Variants in CLN3 observed in about 807,000 individuals in gnomAD.
The protein encoded by CLN3 is CLN3 lysosomal/endosomal transmembrane protein, battenin.
CLN3 carries 49 observed loss-of-function variants against 60.7 expected under a neutral mutation model. That is an observed-to-expected ratio of 0.81 (90% CI 0.64 to 1.02). The LOEUF (loss-of-function observed/expected upper bound fraction) is 1.02, where lower values mean the gene tolerates loss of function less well. Ranked by LOEUF, CLN3 falls within the 50% of genes least tolerant of loss-of-function variation. The pLI is 0.00. For missense variants in CLN3, 516 were observed against 557.4 expected, an observed-to-expected ratio of 0.93 and a Z score of 0.75; for synonymous variants, 256 against 245.8, an observed-to-expected ratio of 1.04 and a Z score of -0.39.
At chr16:28,479,495 A>G in intron 14 of CLN3, 1 of 152,760 alleles carries the variant, frequency 6.5e-6, no homozygotes, top group Non-Finnish European at 1.5e-5. Flanking sequence ...GCTGAGGCAG[A>G]AGAATCGCCT....
chr16:28,485,650 C>T (rs2857414), intron 9 of CLN3, among the ~76,000 whole-genome samples: 7 of 135,648 alleles, frequency 5.2e-5, no homozygotes, highest in African/African-American at 8.4e-5. Flanking sequence ...GCAGGCAAGG[C>T]TACACATTCG....
chr16:28,474,379 G>C (rs1271107707), downstream of CLN3: 1 of 152,268 alleles, frequency 6.6e-6, no homozygotes, highest in African/African-American at 2.4e-5. Context: ...AGAATCACTT[G>C]AACTCAGGAG....
At chr16:28,482,251 T>TC in intron 13 of CLN3, 53 bp from the exon 14 acceptor site, 2 of 1,600,712 alleles carry the variant, frequency 1.2e-6, no homozygotes, top group African/African-American at 1.3e-5. Flanking sequence ...ACCATCCCGC[T>TC]CCCCCCGGTG....
Position 28,484,106 on chromosome 16 carries a change from C to G in CLN3, c.690G>C (p.Leu230Phe), listed in dbSNP as rs1175349910. The change falls in exon 10 of 16, where the codon TTG (leucine) becomes TTC (phenylalanine). Residue 230 changes from leucine (L) to phenylalanine (F), a missense_variant. Transcript: ENST00000636147. The stretch of plus-strand genomic sequence containing the variant: ...GGTCCTGGGCCTCAGGAGATGTGAG[C>G]AACAAGAAATAGCTAGGAGTAGGAT... ...PALLLASYFL[L>F]LTSPEAQDPG... is the part of the protein sequence containing the mutation. 17 of 1,610,154 alleles carry G rather than the reference C, an allele frequency of 1.1e-5. No individual in the cohort carries two copies. The South Asian group carries it at 1.7e-4, about 16-fold the overall frequency.
chr16:28,487,675 G>T lies in CLN3; in HGVS notation c.361C>A (p.Leu121Met), dbSNP rs752282954. ...CCTCACCCAGACCTGTAGGGCAGCAGGTGAAGGCCAAGAGGAGCCAACAAT... is the reference window on the plus strand; with the variant it reads ...CCTCACCCAGACCTGTAGGGCAGCATGTGAAGGCCAAGAGGAGCCAACAAT... ...IKLLAPLGLH[L>M]LPYSPRVLVS... The change falls in exon 6 of 16, where the codon CTG becomes ATG. Residue 121 changes from leucine to methionine, a missense_variant. Transcript: ENST00000636147. 2.5e-6 allele frequency: 4 copies of T among 1,613,772 alleles called. No individual in the cohort carries two copies. The African/African-American group carries it at 5.3e-5, about 22-fold the overall frequency.
intron 3 of CLN3, 141 bp downstream of exon 3, chr16:28,491,341 G>T: frequency 8.2e-7 from 1 of 1,213,782 alleles, no homozygotes; most frequent in Non-Finnish European, 1.2e-6. Flanking sequence ...TTTACATGCT[G>T]CCCCTGGGGC....
At chr16:28,486,980 G>A (rs568714442) in intron 7 of CLN3, 9 of 393,300 alleles carry the variant, frequency 2.3e-5, no homozygotes, top group African/African-American at 1.6e-4. Context: ...GCGTGATCTC[G>A]GCTCACTGCA....
downstream of CLN3, among the ~76,000 whole-genome samples, chr16:28,470,702 C>T (rs1019811012): frequency 2.7e-5 from 4 of 149,226 alleles, no homozygotes; most frequent in Non-Finnish European, 6.0e-5. Context: ...TGTTGGGCAC[C>T]TGGAGGAGGT....
intron 3 of CLN3, among the ~76,000 whole-genome samples, chr16:28,490,740 A>G (rs1448809684): frequency 2.0e-5 from 3 of 146,774 alleles, no homozygotes; most frequent in Admixed American, 6.9e-5. Context: ...AGCCTGGAGG[A>G]CAGAGAGAGA....
intron 14 of CLN3, among the ~76,000 whole-genome samples, chr16:28,480,398 G>A (rs186432584): frequency 2.7e-5 from 4 of 150,850 alleles, no homozygotes; most frequent in Admixed American, 1.3e-4. Context: ...ACAGAATTGA[G>A]TTCCTAAGTC....
In CLN3 at chr16:28,484,007, T is replaced by G. The variant is rs574450787; in HGVS notation, c.789A>C (p.Pro263=). The stretch of plus-strand genomic sequence containing the variant: ...TCTCTGAGGGTCTGTGTCTCCTACC[T>G]GGCTTCGACTCCGGGGCCTCGGTTC... ...LIRTEAPESK[P]GSSSSLSLRE... Residue 263 remains proline (P), a splice_region_variant and synonymous_variant, in exon 10 of 16, where the codon CCA becomes CCC. Coordinates refer to ENST00000636147, the MANE Select transcript of CLN3 (RefSeq NM_001042432.2). 6.2e-7 allele frequency: 1 copy of G among 1,605,192 alleles called. No individual in the cohort carries two copies. Among genetic ancestry groups the G allele is most frequent in the East Asian group, 2.2e-5 (1 of 44,674 alleles).
rs1442227750 is a variant in CLN3, at chr16:28,484,034, T to C, written c.762A>G (p.Ile254Met). The C allele has an allele frequency of 1.9e-6, 3 of 1,611,838 alleles. No homozygotes were observed. The highest frequency in any genetic ancestry group is 1.7e-5 in the Admixed American group (1 of 59,706). The change falls in exon 10 of 16, where the codon ATA (isoleucine) becomes ATG (methionine). Residue 254 changes from isoleucine (I) to methionine (M), a missense_variant. Transcript: ENST00000636147. ...GCTTCGACTCCGGGGCCTCGGTTCT[T>C]ATGAGGGGCTGCCGGGCTGCGCTCT... is the stretch of plus-strand genomic sequence containing the variant. ...EAESAARQPL[I>M]RTEAPESKPG...
At chr16:28,475,779 C>T (rs1185626064), downstream of CLN3, 2 of 151,934 alleles carry the variant, frequency 1.3e-5, no homozygotes, top group African/African-American at 4.8e-5. Context: ...AGGTTAGTTG[C>T]TTTAATGAAA....
rs1039909018 is a variant in CLN3 at position 28,492,067 on chromosome 16, G to C, written c.-124C>G. ...TGCACTATGCAGAGGCCGTTTGTCG[G>C]ATCACGTGACAGCACCCGCGTGTTC... On this transcript the variant is annotated 5_prime_UTR_variant, in exon 1 of 16. In the 5' UTR this introduces an upstream ATG that the reference lacks. Coordinates refer to ENST00000636147, the MANE Select transcript of CLN3 (RefSeq NM_001042432.2). The C allele has an allele frequency of 8.4e-6, 4 of 477,886 alleles. No individual in the cohort carries two copies. The highest frequency in any genetic ancestry group is 6.8e-5 in the Admixed American group (2 of 29,282). 29.6% of individuals were successfully genotyped at this position (477,886 alleles called of 1,614,324 possible). A position where few individuals can be genotyped will look rare whatever the true frequency, so the allele number is the denominator to read the frequency against.
intron 2 of CLN3, 54 bp downstream of exon 2, chr16:28,491,660 G>A: frequency 6.2e-7 from 1 of 1,614,056 alleles, no homozygotes; most frequent in South Asian, 1.1e-5. Context: ...ATTCCCCTCA[G>A]GTGGGCTGCG....
intron 4 of CLN3, among the ~76,000 whole-genome samples, 169 bp downstream of exon 4, chr16:28,489,121 C>CG (rs2046270366): frequency 6.6e-6 from 1 of 151,978 alleles, no homozygotes; most frequent in African/African-American, 2.4e-5. Context: ...AGGCTGGTCT[C>CG]GAACTCCTGA....
intron 5 of CLN3, chr16:28,487,951 A>C: frequency 3.4e-6 from 2 of 581,630 alleles, no homozygotes; most frequent in Non-Finnish European, 6.2e-6. Flanking sequence ...CCTCATCTGG[A>C]AAATGGGAAT....
rs1351557732 is a variant in CLN3 at position 28,486,937 on chromosome 16, G to A, written c.461-287C>T. On this transcript the variant is annotated intron_variant, in intron 7 of 15. Transcript: ENST00000636147. ...CTTTTCTTTTCTTTTTGGAGACGGA[G>A]TCTCGCCCTGTCACCCAGGCTGGAG... 3 of 456,902 alleles carry A rather than the reference G, an allele frequency of 6.6e-6. No homozygotes were observed. In the East Asian group the frequency reaches 1.3e-4, roughly 20 times the overall value. The allele number at this position is 456,902 out of a possible 1,614,324, so 28.3% of individuals were successfully genotyped here.
chr16:28,477,686 C>G lies in CLN3; in HGVS notation c.1197+51G>C, dbSNP rs535977579. ...GGCTTCAGTCCCAGACATCCCTGCC[C>G]TGGGTGTCCCTGGACAGGCCACCCC... On this transcript the variant is annotated intron_variant, in intron 15 of 15. Transcript: ENST00000636147. The G allele has an allele frequency of 8.5e-5, 138 of 1,614,076 alleles. No individual in the cohort carries two copies. In the Middle Eastern group the frequency reaches 7.1e-3, roughly 83 times the overall value.
Sources: allele counts gnomAD v4.1 joint callset (sites outside exome capture counted in the v4.1 genomes callset), GRCh38; gene constraint gnomAD v4.1.1; transcripts MANE v1.5; gene names NCBI Gene and HGNC (gene_info 2026-07-23, HGNC 2026-07-21).